GRID2: variants seen among roughly 807,000 people sequenced by gnomAD.
The protein encoded by GRID2 is glutamate ionotropic receptor delta type subunit 2, also known as glutamate receptor ionotropic, delta-2.
A neutral mutation model predicts 114.8 loss-of-function variants in GRID2; 33 were observed. The observed-to-expected ratio is 0.29, with a 90% confidence interval of 0.22 to 0.38. The LOEUF is 0.38. Among genes scored for constraint, GRID2 ranks in the 10% least tolerant of loss-of-function variants. The pLI is 1.00. For missense variants in GRID2, 1,184 were observed against 1,257.7 expected, an observed-to-expected ratio of 0.94 and a Z score of 0.89; for synonymous variants, 505 against 449.9, an observed-to-expected ratio of 1.12 and a Z score of -1.55.
chr4:93,800,285 G>A (rs768500806), intron 1 of GRID2, among the ~76,000 whole-genome samples: 47 of 152,178 alleles, frequency 3.1e-4, no homozygotes, highest in Non-Finnish European at 5.4e-4. Context: ...CAGAACTGTG[G>A]CTTTCACTGA....
intron 1 of GRID2, among the ~76,000 whole-genome samples, chr4:92,490,405 A>G (rs1008405650): frequency 2.6e-5 from 4 of 152,144 alleles, no homozygotes; most frequent in African/African-American, 9.7e-5. Flanking sequence ...GAGCCCTTAT[A>G]TAGCATCCTG....
intron 1 of GRID2, among the ~76,000 whole-genome samples, chr4:93,794,881 G>T (rs991392251): frequency 2.0e-5 from 3 of 152,192 alleles, no homozygotes; most frequent in African/African-American, 7.2e-5. Context: ...AAAAGATTGT[G>T]AGAGGCAGAT....
intron 4 of GRID2, among the ~76,000 whole-genome samples, chr4:93,144,310 A>G (rs1410229519): frequency 6.6e-6 from 1 of 152,230 alleles, no homozygotes; most frequent in Non-Finnish European, 1.5e-5. Flanking sequence ...TATGTGCATA[A>G]GCTCATTATG....
chr4:93,408,687 T>C (rs2149349296), intron 9 of GRID2, among the ~76,000 whole-genome samples: 1 of 152,254 alleles, frequency 6.6e-6, no homozygotes, highest in South Asian at 2.1e-4. Context: ...AATATTCCTT[T>C]ATATGCTTAT....
chr4:93,232,426 A>G (rs1206403263), intron 7 of GRID2, among the ~76,000 whole-genome samples: 2 of 151,556 alleles, frequency 1.3e-5, no homozygotes, highest in African/African-American at 4.8e-5. Flanking sequence ...AATAGAAAAT[A>G]TCAGTTTATG....
intron 13 of GRID2, among the ~76,000 whole-genome samples, chr4:93,593,730 A>G (rs1206831451): frequency 2.0e-5 from 3 of 151,900 alleles, no homozygotes; most frequent in Non-Finnish European, 4.4e-5. Flanking sequence ...ATAGTCCCAT[A>G]TTTCCTGGAG....
Position 93,169,143 on chromosome 4 carries a change from TACACACAC to T in GRID2, c.736-38227_736-38220del, listed in dbSNP as rs33953002. 7.1e-3 allele frequency among the ~76,000 whole-genome samples: 984 copies of T among 138,184 alleles called. 3 individuals are homozygous for T. Among genetic ancestry groups the T allele is most frequent in the African/African-American group, 0.022 (861 of 38,348 alleles). The allele number at this position is 138,184 out of a possible 152,430, so 90.7% of individuals were successfully genotyped here. A position where few individuals can be genotyped will look rare whatever the true frequency, so the allele number is the denominator to read the frequency against. ...AGTGGCTTTTTTCAACACAATGAAA[TACACACAC>T]ACACACACACACACACACACACACA... On this transcript the variant is annotated intron_variant, in intron 4 of 15. Coordinates refer to ENST00000282020, the MANE Select transcript of GRID2 (RefSeq NM_001510.4).
chr4:92,870,320 T>A (rs1745185253), intron 2 of GRID2, among the ~76,000 whole-genome samples: 1 of 151,968 alleles, frequency 6.6e-6, no homozygotes. Context: ...ATTTAGAATG[T>A]TCATCTTCCT....
At chr4:92,775,066 T>G (rs1459010155) in intron 2 of GRID2, among the ~76,000 whole-genome samples, 1 of 152,132 alleles carries the variant, frequency 6.6e-6, no homozygotes, top group Non-Finnish European at 1.5e-5. Flanking sequence ...AGGATTCTCT[T>G]TCTAAATCCC....
intron 2 of GRID2, among the ~76,000 whole-genome samples, chr4:92,709,587 A>ATATATAT (rs1296707680): frequency 5.3e-4 from 64 of 119,878 alleles, no homozygotes; most frequent in East Asian, 3.6e-3. Context: ...AAAAAAAAAA[A>ATATATAT]AAATATATAT....
intron 8 of GRID2, among the ~76,000 whole-genome samples, chr4:93,331,841 G>A (rs1221019313): frequency 1.3e-5 from 2 of 152,046 alleles, no homozygotes; most frequent in African/African-American, 2.4e-5. Flanking sequence ...TTAGGTAATA[G>A]TTGTAAAGAG....
chr4:93,014,391 A>T (rs1025817560), intron 2 of GRID2, among the ~76,000 whole-genome samples: 1 of 151,980 alleles, frequency 6.6e-6, no homozygotes, highest in Admixed American at 6.6e-5. Flanking sequence ...AGATAATAAT[A>T]TGAATAACAC....
At chr4:93,480,261 C>A (rs1370148502) in intron 11 of GRID2, among the ~76,000 whole-genome samples, 3 of 151,908 alleles carry the variant, frequency 2.0e-5, no homozygotes, top group Admixed American at 2.0e-4. Flanking sequence ...ACTGAAAAAT[C>A]ACATTAAAAA....
intron 2 of GRID2, among the ~76,000 whole-genome samples, chr4:92,843,417 G>A (rs1743060949): frequency 6.6e-6 from 1 of 151,890 alleles, no homozygotes; most frequent in Non-Finnish European, 1.5e-5. Flanking sequence ...TAGAACTTTG[G>A]TTTTTATGAG....
At chr4:92,485,346 ATAGTGTGT>A (rs1452924849) in intron 1 of GRID2, among the ~76,000 whole-genome samples, 2 of 54,454 alleles carry the variant, frequency 3.7e-5, no homozygotes, top group African/African-American at 6.4e-5. Context: ...ATATATATAT[ATAGTGTGT>A]GTGTGTGTGT....
chr4:93,014,425 C>T (rs570627576), intron 2 of GRID2, among the ~76,000 whole-genome samples: 7 of 152,110 alleles, frequency 4.6e-5, no homozygotes, highest in South Asian at 2.1e-4. Flanking sequence ...GGAAAAATCA[C>T]GTAGTTTGCT....
At chr4:93,022,989 G>C (rs1233336745) in intron 2 of GRID2, among the ~76,000 whole-genome samples, 1 of 151,552 alleles carries the variant, frequency 6.6e-6, no homozygotes, top group Non-Finnish European at 1.5e-5. Flanking sequence ...ATACACAAAG[G>C]CCAGTAAAGA....
intron 1 of GRID2, among the ~76,000 whole-genome samples, chr4:92,353,063 G>T (rs1236918943): frequency 2.6e-5 from 4 of 151,432 alleles, no homozygotes; most frequent in Non-Finnish European, 5.9e-5. Context: ...TTTTCTTTCT[G>T]CTCCTCAGGC....
chr4:92,768,703 A>G (rs2149350360), intron 2 of GRID2, among the ~76,000 whole-genome samples: 1 of 152,300 alleles, frequency 6.6e-6, no homozygotes, highest in Admixed American at 6.5e-5. Context: ...CACGTCTTAC[A>G]AGAATGGTGG....
Sources: gnomAD v4.1 joint callset for allele counts (sites outside exome capture counted in the v4.1 genomes callset) on GRCh38, gnomAD v4.1.1 for gene constraint, MANE v1.5 for transcripts, NCBI Gene and HGNC (gene_info 2026-07-23, HGNC 2026-07-21) for gene names.